The following PTPRN2 variants were observed in gnomAD, a reference collection of about 807,000 sequenced individuals.
PTPRN2 encodes the protein receptor-type tyrosine-protein phosphatase N2.
PTPRN2 carries 74 observed loss-of-function variants against 118.8 expected under a neutral mutation model. The ratio of observed to expected loss-of-function variants is 0.62; its 90% CI spans 0.52 to 0.76. PTPRN2 has a LOEUF of 0.76. Ranked by LOEUF, PTPRN2 falls within the 30% of genes least tolerant of loss-of-function variation. The pLI is 0.00. For missense variants in PTPRN2, 1,481 were observed against 1,394.4 expected, an observed-to-expected ratio of 1.06 and a Z score of -0.99; for synonymous variants, 641 against 608.0, an observed-to-expected ratio of 1.05 and a Z score of -0.80.
intron 2 of PTPRN2, among the ~76,000 whole-genome samples, chr7:158,408,068 A>G (rs1195523572): frequency 6.6e-6 from 1 of 152,208 alleles, no homozygotes; most frequent in African/African-American, 2.4e-5. Flanking sequence ...AAAAGGCAAC[A>G]CTTAGACCAA....
At position 157,888,670 on chromosome 7, in the gene PTPRN2, G is replaced by A. The variant is rs572017404; in HGVS notation, c.1788+10003C>T. On this transcript the variant is annotated intron_variant, in intron 12 of 22. Transcript: ENST00000389418. ...TGGCCTACGCGCAGCACCATGCCAC[G>A]CAGAATCTTCACGGATGTCTGATGA... Among the ~76,000 whole-genome samples, 54 of 151,344 alleles carry A rather than the reference G, an allele frequency of 3.6e-4. 1 individual carries two copies. The highest frequency in any genetic ancestry group is 1.2e-3 in the African/African-American group (51 of 41,264).
chr7:158,570,490 C>T lies in PTPRN2; in HGVS notation c.112+17068G>A, dbSNP rs909337838. 2.6e-5 allele frequency among the ~76,000 whole-genome samples: 4 copies of T among 152,190 alleles called. No homozygotes were observed. Among genetic ancestry groups the T allele is most frequent in the Non-Finnish European group, 4.4e-5 (3 of 68,024 alleles). On this transcript the variant is annotated intron_variant, in intron 1 of 22. Transcript: ENST00000389418. The surrounding 1 kb of genome is among the most constrained non-coding windows in gnomAD (Gnocchi z 4.5). Reference sequence around the variant, plus strand: ...CGTGAGAAAGCGGCTTCGGCAGCTCCGACCCCTCAACTGACGCGTCTCCCC... The same window carrying T: ...CGTGAGAAAGCGGCTTCGGCAGCTCTGACCCCTCAACTGACGCGTCTCCCC...
chr7:158,096,591 T>C (rs569622461), intron 10 of PTPRN2, among the ~76,000 whole-genome samples: 2 of 150,194 alleles, frequency 1.3e-5, no homozygotes, highest in Non-Finnish European at 2.9e-5. Context: ...GACATTTCCT[T>C]GACATTCCTT....
At chr7:158,318,270 A>G (rs1802516279) in intron 2 of PTPRN2, among the ~76,000 whole-genome samples, 2 of 151,996 alleles carry the variant, frequency 1.3e-5, no homozygotes, top group Non-Finnish European at 2.9e-5. Context: ...GAAAGGGGGG[A>G]GGAGGGAGAA....
intron 19 of PTPRN2, among the ~76,000 whole-genome samples, chr7:157,572,582 C>T (rs1282003672): frequency 6.6e-6 from 1 of 152,184 alleles, no homozygotes; most frequent in African/African-American, 2.4e-5. Flanking sequence ...TGCTTGAATA[C>T]GGCGGAGCCC....
chr7:158,388,841 G>A (rs927182581), intron 2 of PTPRN2, among the ~76,000 whole-genome samples: 4 of 152,204 alleles, frequency 2.6e-5, no homozygotes, highest in African/African-American at 9.6e-5. Context: ...GGTCTCAGGA[G>A]CCAGGAACCA....
At chr7:157,993,891 G>T (rs532336160) in intron 11 of PTPRN2, among the ~76,000 whole-genome samples, 1 of 152,118 alleles carries the variant, frequency 6.6e-6, no homozygotes, top group African/African-American at 2.4e-5. Flanking sequence ...AAACCCAAGG[G>T]GGGTCAGTGG....
In PTPRN2 at chr7:158,572,636, TC is replaced by T. The variant is rs146665319; in HGVS notation, c.112+14921del. On this transcript the variant is annotated intron_variant, in intron 1 of 22. Coordinates refer to ENST00000389418, the MANE Select transcript of PTPRN2 (RefSeq NM_002847.5). ...CCTAAGTGCCACATCCCTACCCTTC[TC>T]CTGGGTCTCTGCCCTCTGACTCATC... is the stretch of plus-strand genomic sequence containing the variant. Among the ~76,000 whole-genome samples the T allele has an allele frequency of 2.8e-3, 423 of 152,332 alleles. 3 individuals carry two copies. The highest frequency in any genetic ancestry group is 9.6e-3 in the African/African-American group (399 of 41,574).
chr7:158,207,528 G>C (rs1442605518), intron 3 of PTPRN2, among the ~76,000 whole-genome samples: 1 of 152,046 alleles, frequency 6.6e-6, no homozygotes, highest in Non-Finnish European at 1.5e-5. Flanking sequence ...CAAAATGGGA[G>C]AAAATTTTCG....
chr7:157,712,701 A>C (rs1798706095), intron 12 of PTPRN2, among the ~76,000 whole-genome samples: 1 of 145,202 alleles, frequency 6.9e-6, no homozygotes, highest in African/African-American at 2.6e-5. Flanking sequence ...CGGCTACCCA[A>C]GATTGCGCCA....
chr7:158,538,130 GAA>G (rs997729820), intron 1 of PTPRN2, among the ~76,000 whole-genome samples: 2 of 152,254 alleles, frequency 1.3e-5, no homozygotes, highest in Non-Finnish European at 2.9e-5. Flanking sequence ...GACGCTGGCG[GAA>G]AAGAGCACAG....
chr7:157,547,009 A>T (rs1444281548), intron 22 of PTPRN2, among the ~76,000 whole-genome samples: 1 of 152,198 alleles, frequency 6.6e-6, no homozygotes, highest in African/African-American at 2.4e-5. Flanking sequence ...TGTTCTGGGC[A>T]AACTCACCTG....
chr7:158,583,257 C>T (rs1828727922), intron 1 of PTPRN2, among the ~76,000 whole-genome samples: 1 of 152,142 alleles, frequency 6.6e-6, no homozygotes, highest in African/African-American at 2.4e-5. Flanking sequence ...GAAGATGGGG[C>T]CTTGGGATGT....
chr7:157,962,540 T>G (rs1027513864), intron 11 of PTPRN2, among the ~76,000 whole-genome samples: 11 of 152,182 alleles, frequency 7.2e-5, no homozygotes, highest in Non-Finnish European at 1.0e-4. Flanking sequence ...ATACACAGAT[T>G]ATTTTCATCA....
chr7:157,608,103 C>T (rs1044237489), intron 15 of PTPRN2, among the ~76,000 whole-genome samples: 6 of 152,026 alleles, frequency 3.9e-5, no homozygotes, highest in Non-Finnish European at 7.4e-5. Context: ...GGTCTTGCTC[C>T]GTCACCCAAG....
chr7:158,156,412 T>C (rs572738753), intron 6 of PTPRN2, among the ~76,000 whole-genome samples: 9 of 152,318 alleles, frequency 5.9e-5, no homozygotes, highest in African/African-American at 2.2e-4. Context: ...GTAACGCAGC[T>C]CACCGTGGAC....
At chr7:158,350,252 G>A (rs1410433290) in intron 2 of PTPRN2, among the ~76,000 whole-genome samples, 1 of 152,174 alleles carries the variant, frequency 6.6e-6, no homozygotes, top group African/African-American at 2.4e-5. Context: ...ACATCAGCCG[G>A]CACTTCCATC....
chr7:157,673,171 A>G (rs1164709590), intron 13 of PTPRN2, among the ~76,000 whole-genome samples: 1 of 152,062 alleles, frequency 6.6e-6, no homozygotes, highest in Non-Finnish European at 1.5e-5. Flanking sequence ...TGACACGTGC[A>G]CGCCACCACA....
intron 3 of PTPRN2, among the ~76,000 whole-genome samples, chr7:158,218,837 AG>A (rs1828142492): frequency 6.6e-6 from 1 of 152,178 alleles, no homozygotes; most frequent in South Asian, 2.1e-4. Context: ...AAGAACAAAG[AG>A]GGGCTTTACA....
Sources: gnomAD v4.1 joint callset for allele counts (sites outside exome capture counted in the v4.1 genomes callset) on GRCh38, gnomAD v4.1.1 for gene constraint, Gnocchi (gnomAD v3.1) non-coding constraint, MANE v1.5 for transcripts, NCBI Gene and HGNC (gene_info 2026-07-23, HGNC 2026-07-21) for gene names.